Variants in TMPRSS11A observed in about 807,000 individuals in gnomAD.
TMPRSS11A encodes transmembrane serine protease 11A.
TMPRSS11A carries 53 observed loss-of-function variants against 58.9 expected under a neutral mutation model. The ratio of observed to expected loss-of-function variants is 0.90; its 90% CI spans 0.72 to 1.13. The LOEUF is 1.13. TMPRSS11A is among the 50% of genes most tolerant of loss of function. The pLI, the probability that TMPRSS11A is intolerant of heterozygous loss-of-function variation, is 0.00. For missense variants in TMPRSS11A, 493 were observed against 499.3 expected, an observed-to-expected ratio of 0.99 and a Z score of 0.12; for synonymous variants, 167 against 169.8, an observed-to-expected ratio of 0.98 and a Z score of 0.13.
At chr4:67,928,226 A>G (rs1720521824) in intron 5 of TMPRSS11A, among the ~76,000 whole-genome samples, 1 of 152,090 alleles carries the variant, frequency 6.6e-6, no homozygotes, top group African/African-American at 2.4e-5. Flanking sequence ...TTGTATTTTT[A>G]GAAGAGACGG....
chr4:67,933,741 A>G (rs1054958217), intron 3 of TMPRSS11A, among the ~76,000 whole-genome samples: 1 of 152,210 alleles, frequency 6.6e-6, no homozygotes, highest in Non-Finnish European at 1.5e-5. Context: ...TCTACTACTC[A>G]GTATGGAGGT....
intron 3 of TMPRSS11A, among the ~76,000 whole-genome samples, chr4:67,940,046 A>G (rs965697594): frequency 4.6e-5 from 7 of 152,196 alleles, no homozygotes; most frequent in African/African-American, 1.7e-4. Flanking sequence ...TTATTGATTT[A>G]CATATGTTGA....
chr4:67,959,523 A>T (rs1489754447), intron 1 of TMPRSS11A, among the ~76,000 whole-genome samples: 1 of 152,244 alleles, frequency 6.6e-6, no homozygotes, highest in Non-Finnish European at 1.5e-5. Context: ...TAACCCCATT[A>T]AAAGTGGGCA....
chr4:67,960,698 A>G (rs765089422), intron 1 of TMPRSS11A, among the ~76,000 whole-genome samples: 3 of 152,168 alleles, frequency 2.0e-5, no homozygotes, highest in Admixed American at 6.5e-5. Context: ...ATAATTTTAG[A>G]ATATATTAGG....
chr4:67,929,502 A>T (rs1298406757), intron 5 of TMPRSS11A, among the ~76,000 whole-genome samples: 3 of 152,242 alleles, frequency 2.0e-5, no homozygotes, highest in Non-Finnish European at 2.9e-5. Context: ...TATCAATAAA[A>T]GTATGGCAAC....
chr4:67,914,008 T>C (rs1720075132), intron 9 of TMPRSS11A, among the ~76,000 whole-genome samples: 1 of 152,234 alleles, frequency 6.6e-6, no homozygotes, highest in Non-Finnish European at 1.5e-5. Flanking sequence ...ATCCACCTTC[T>C]CATGGTTATC....
chr4:67,942,346 A>T (rs1013376623), intron 3 of TMPRSS11A, among the ~76,000 whole-genome samples: 1 of 152,164 alleles, frequency 6.6e-6, no homozygotes, highest in African/African-American at 2.4e-5. Context: ...TGGAGTTCTC[A>T]TGAAAGTCAT....
rs1422405258 is a variant in TMPRSS11A at position 67,924,047 on chromosome 4, T to C, written c.520+81A>G. On this transcript the variant is annotated intron_variant, in intron 6 of 9. Transcript: ENST00000508048. ...TCTCAAAGAAAATCTGGAGGACAGA[T>C]GGGCAAGTATGAGCAAATATTTGAA... 3.5e-6 allele frequency: 4 copies of C among 1,136,870 alleles called. No individual in the cohort carries two copies. The Admixed American group carries it at 6.8e-5, about 19-fold the overall frequency. The allele number at this position is 1,136,870 out of a possible 1,614,324, so 70.4% of individuals were successfully genotyped here. A position where few individuals can be genotyped will look rare whatever the true frequency, so the allele number is the denominator to read the frequency against.
At chr4:67,946,762 T>C (rs1286147856) in intron 1 of TMPRSS11A, among the ~76,000 whole-genome samples, 191 bp from the exon 2 acceptor site, 6 of 151,948 alleles carry the variant, frequency 3.9e-5, no homozygotes, top group Admixed American at 1.3e-4. Flanking sequence ...ATCCTAATGT[T>C]GCTCCTGCTT....
At chr4:67,912,387 G>A (rs1453391934) in intron 9 of TMPRSS11A, among the ~76,000 whole-genome samples, 2 of 152,056 alleles carry the variant, frequency 1.3e-5, no homozygotes, top group Non-Finnish European at 2.9e-5. Flanking sequence ...GCCTGGTGCA[G>A]AGCTATGGTG....
chr4:67,941,866 A>T (rs549376518), intron 3 of TMPRSS11A, among the ~76,000 whole-genome samples: 2,685 of 152,282 alleles, frequency 0.018, 83 homozygotes, highest in African/African-American at 0.061. Flanking sequence ...CATAAGGCAA[A>T]ACAGTGAAAA....
At chr4:67,930,829 T>TTTAAAAA (rs1265700805) in intron 4 of TMPRSS11A, among the ~76,000 whole-genome samples, 1 of 90,158 alleles carries the variant, frequency 1.1e-5, no homozygotes, top group African/African-American at 4.7e-5. Context: ...TTTTTTTTTT[T>TTTAAAAA]ACAAAAAAAA....
intron 1 of TMPRSS11A, among the ~76,000 whole-genome samples, chr4:67,952,675 T>C (rs1047565979): frequency 6.6e-6 from 1 of 152,346 alleles, no homozygotes; most frequent in African/African-American, 2.4e-5. Flanking sequence ...TATTTGAGGT[T>C]GTTTGTAAAC....
chr4:67,946,605 G>A, intron 1 of TMPRSS11A, 34 bp from the exon 2 acceptor site: 1 of 1,588,780 alleles, frequency 6.3e-7, no homozygotes, highest in African/African-American at 1.4e-5. Flanking sequence ...GTTACTCTCA[G>A]ATAGCAATGC....
At chr4:67,929,508 G>C (rs1720556502) in intron 5 of TMPRSS11A, among the ~76,000 whole-genome samples, 2 of 152,134 alleles carry the variant, frequency 1.3e-5, no homozygotes, top group South Asian at 4.1e-4. Flanking sequence ...TAAAAGTATG[G>C]CAACACATGA....
At chr4:67,952,637 T>A (rs1275975785) in intron 1 of TMPRSS11A, among the ~76,000 whole-genome samples, 1 of 152,194 alleles carries the variant, frequency 6.6e-6, no homozygotes, top group East Asian at 1.9e-4. Context: ...GCCTGTGAGA[T>A]AAGTGTGTAT....
chr4:67,946,008 CT>C (rs1339765994), intron 2 of TMPRSS11A, among the ~76,000 whole-genome samples: 1 of 151,814 alleles, frequency 6.6e-6, no homozygotes. Context: ...AAGTGTTTTT[CT>C]TTTGCCTTAG....
intron 1 of TMPRSS11A, among the ~76,000 whole-genome samples, chr4:67,963,081 C>T (rs141899682): frequency 1.3e-5 from 2 of 152,098 alleles, no homozygotes; most frequent in Non-Finnish European, 2.9e-5. Flanking sequence ...TCCACACACA[C>T]AAAAAAATCA....
At chr4:67,949,454 A>G (rs1721105418) in intron 1 of TMPRSS11A, among the ~76,000 whole-genome samples, 2 of 152,258 alleles carry the variant, frequency 1.3e-5, no homozygotes, top group South Asian at 2.1e-4. Context: ...CTGCCAGATT[A>G]CAAAAGCTAC....
Sources: gnomAD v4.1 joint callset for allele counts (sites outside exome capture counted in the v4.1 genomes callset) on GRCh38, gnomAD v4.1.1 for gene constraint, MANE v1.5 for transcripts, NCBI Gene and HGNC (gene_info 2026-07-23, HGNC 2026-07-21) for gene names.